ZFR2: variants seen among roughly 807,000 people sequenced by gnomAD.
The protein encoded by ZFR2 is zinc finger RNA-binding protein 2.
ZFR2 carries 104 observed loss-of-function variants against 105.7 expected under a neutral mutation model. That is an observed-to-expected ratio of 0.98 (90% CI 0.84 to 1.16). The LOEUF is 1.16. Ranked by LOEUF, ZFR2 falls within the 50% of genes most tolerant of loss-of-function variation. The pLI, the probability that ZFR2 is intolerant of heterozygous loss-of-function variation, is 0.00. For synonymous variants in ZFR2, 634 were observed against 597.7 expected (o/e 1.06, Z -0.89); for missense variants, 1,425 against 1,355.5 (o/e 1.05, Z -0.80).
chr19:3,837,519 C>T (rs1176698186), intron 1 of ZFR2, among the ~76,000 whole-genome samples: 2 of 151,198 alleles, frequency 1.3e-5, no homozygotes, highest in African/African-American at 4.9e-5. Context: ...GACCGTGACA[C>T]TCGATGAACA....
chr19:3,815,539 C>T (rs1024156571), intron 13 of ZFR2, among the ~76,000 whole-genome samples: 22 of 152,184 alleles, frequency 1.4e-4, no homozygotes, highest in African/African-American at 4.8e-4. Context: ...GCTTCCTAGT[C>T]GCCATTGCTG....
At chr19:3,836,002 G>C (rs1045134461) in intron 1 of ZFR2, among the ~76,000 whole-genome samples, 3 of 151,982 alleles carry the variant, frequency 2.0e-5, no homozygotes, top group African/African-American at 4.8e-5. Flanking sequence ...TATCTGCAAG[G>C]GTTGAGTTCC....
chr19:3,841,456 G>A (rs1159007922), intron 1 of ZFR2, among the ~76,000 whole-genome samples: 1 of 152,176 alleles, frequency 6.6e-6, no homozygotes, highest in East Asian at 1.9e-4. Context: ...AGGCTAAGGC[G>A]AGAGGACTGC....
rs1010401913 is a variant in ZFR2 at position 3,810,911 on chromosome 19, T to G, written c.2338-66A>C. Reference sequence around the variant, plus strand: ...GTGGCCACACGGCATGGCGCCGGGCTCTGTCGTGAGCGTGAACCCCAGGGA... The same window carrying G: ...GTGGCCACACGGCATGGCGCCGGGCGCTGTCGTGAGCGTGAACCCCAGGGA... On this transcript the variant is annotated intron_variant, in intron 15 of 18. Transcript: ENST00000262961. 9.2e-6 allele frequency: 14 copies of G among 1,516,922 alleles called. No individual in the cohort carries two copies. In the African/African-American group the frequency reaches 1.5e-4, roughly 16 times the overall value. 94.0% of individuals were successfully genotyped at this position (1,516,922 alleles called of 1,614,324 possible). A position where few individuals can be genotyped will look rare whatever the true frequency, so the allele number is the denominator to read the frequency against.
chr19:3,807,067 G>A (rs781395954), intron 18 of ZFR2, 105 bp downstream of exon 18: 7 of 831,090 alleles, frequency 8.4e-6, no homozygotes, highest in Non-Finnish European at 1.3e-5. Context: ...ACATCTCAGT[G>A]GGAGGGAGAG....
intron 12 of ZFR2, among the ~76,000 whole-genome samples, chr19:3,818,242 G>T (rs1284048992): frequency 6.6e-6 from 1 of 152,220 alleles, no homozygotes; most frequent in Non-Finnish European, 1.5e-5. Flanking sequence ...GAGGTGGGAG[G>T]ATCGCTTGAG....
intron 13 of ZFR2, among the ~76,000 whole-genome samples, chr19:3,815,991 G>A (rs1268787891): frequency 2.0e-5 from 3 of 151,812 alleles, no homozygotes; most frequent in African/African-American, 7.3e-5. Flanking sequence ...TGCTGACCTC[G>A]TGATCTGCCC....
At chr19:3,817,702 G>A (rs1223860643) in intron 12 of ZFR2, among the ~76,000 whole-genome samples, 2 of 145,864 alleles carry the variant, frequency 1.4e-5, no homozygotes, top group East Asian at 2.0e-4. Flanking sequence ...GTTGCTGTGA[G>A]CCGAGATCGC....
chr19:3,825,158 T>C, intron 7 of ZFR2, 72 bp downstream of exon 7: 1 of 1,390,960 alleles, frequency 7.2e-7, no homozygotes, highest in Non-Finnish European at 9.3e-7. Context: ...GGATGGTAGA[T>C]TTTCTCACGA....
At chr19:3,831,008 C>T (rs1292184663) in intron 5 of ZFR2, among the ~76,000 whole-genome samples, 3 of 151,564 alleles carry the variant, frequency 2.0e-5, no homozygotes, top group Admixed American at 6.6e-5. Flanking sequence ...CACACAGGCA[C>T]ATGCAGGCAC....
At chr19:3,807,996 C>G (rs1158125304) in intron 17 of ZFR2, among the ~76,000 whole-genome samples, 1 of 145,278 alleles carries the variant, frequency 6.9e-6, no homozygotes, top group Non-Finnish European at 1.5e-5. Flanking sequence ...CCCGTGTGTG[C>G]AGGTACATCC....
In ZFR2 at chr19:3,831,832, G is replaced by A. The variant is rs774926218; in HGVS notation, c.426C>T (p.Ser142=). The change falls in exon 4 of 19, where the codon AGC becomes AGT. Residue 142 remains serine (S), a synonymous_variant. Transcript: ENST00000262961. ...CGQPSPHGSH[S]HAQPPQQAPI... is the part of the protein sequence containing the mutation. ...GCGCCTGCTGTGGGGGCTGAGCGTG[G>A]CTGTGACTGCCATGGGGGCTGGGCT... 2.9e-5 allele frequency: 46 copies of A among 1,605,336 alleles called. No individual in the cohort carries two copies. The highest frequency in any genetic ancestry group is 3.6e-5 in the Non-Finnish European group (43 of 1,178,432).
At chr19:3,867,310 G>GGGGC (rs891782324) in intron 1 of ZFR2, among the ~76,000 whole-genome samples, 7 of 149,892 alleles carry the variant, frequency 4.7e-5, no homozygotes, top group African/African-American at 1.3e-4. Flanking sequence ...CTGTTGGGGG[G>GGGGC]GGAATCTGGT....
At chr19:3,831,228 G>GGC (rs1444814502) in intron 5 of ZFR2, 75 bp downstream of exon 5, 1 of 1,430,898 alleles carries the variant, frequency 7.0e-7, no homozygotes, top group Non-Finnish European at 9.1e-7. Context: ...CCACCCCACC[G>GGC]GCGCCCACAT....
chr19:3,824,011 T>C (rs146543258), intron 7 of ZFR2, among the ~76,000 whole-genome samples: 222 of 152,198 alleles, frequency 1.5e-3, no homozygotes, highest in African/African-American at 5.1e-3. Flanking sequence ...TCAAATGAGT[T>C]GTGGGCTGGG....
chr19:3,842,828 T>C (rs936724162), intron 1 of ZFR2, among the ~76,000 whole-genome samples: 3 of 152,008 alleles, frequency 2.0e-5, no homozygotes, highest in African/African-American at 7.2e-5. Flanking sequence ...TTTCACCATG[T>C]TGGTCACGCT....
intron 1 of ZFR2, among the ~76,000 whole-genome samples, chr19:3,836,311 G>A (rs897823960): frequency 6.6e-6 from 1 of 151,942 alleles, no homozygotes; most frequent in Admixed American, 6.6e-5. Flanking sequence ...AAGGCCAACC[G>A]TATTTTCTCT....
chr19:3,811,354 G>T lies in ZFR2; in HGVS notation c.2255C>A (p.Pro752His), dbSNP rs1415195293. The T allele has an allele frequency of 1.3e-6, 2 of 1,596,310 alleles. No homozygotes were observed. The highest frequency in any genetic ancestry group is 3.5e-5 in the Admixed American group (2 of 57,762). ...CAGGACATCACCTGCATCAGCCTGA[G>T]GCTCCTCCACACCTTCTAGAAGAAA... is the stretch of plus-strand genomic sequence containing the variant. ...DPSTDPGVEEPQADAGDVLSP... is the reference protein window; with the variant it reads ...DPSTDPGVEEHQADAGDVLSP... The change falls in exon 15 of 19, where the codon CCT becomes CAT. Residue 752 changes from proline (P) to histidine (H), a missense_variant. Pro to His is a moderately conservative substitution (Grantham distance 77). Transcript: ENST00000262961.
intron 5 of ZFR2, among the ~76,000 whole-genome samples, chr19:3,830,482 G>T (rs1599235466): frequency 6.6e-6 from 1 of 152,090 alleles, no homozygotes; most frequent in Non-Finnish European, 1.5e-5. Context: ...AAGAAGGCCG[G>T]GGTCTCTCCC....
Sources: allele counts gnomAD v4.1 joint callset (sites outside exome capture counted in the v4.1 genomes callset), GRCh38; gene constraint gnomAD v4.1.1; transcripts MANE v1.5; gene names NCBI Gene and HGNC (gene_info 2026-07-23, HGNC 2026-07-21).